RNGTT: variants seen among roughly 807,000 people sequenced by gnomAD.
RNGTT encodes mRNA-capping enzyme.
RNGTT carries 33 observed loss-of-function variants against 79.3 expected under a neutral mutation model. The observed-to-expected ratio is 0.42, with a 90% CI of 0.32 to 0.56. RNGTT has a LOEUF of 0.56. Among genes scored for constraint, RNGTT ranks in the 20% least tolerant of loss-of-function variants. The pLI, the probability that RNGTT is intolerant of heterozygous loss-of-function variation, is 0.17. For synonymous variants in RNGTT, 222 were observed against 235.9 expected (o/e 0.94, Z 0.54); for missense variants, 497 against 739.1 (o/e 0.67, Z 3.80).
intron 12 of RNGTT, among the ~76,000 whole-genome samples, chr6:88,770,086 A>G (rs1012810613): frequency 1.3e-5 from 2 of 152,204 alleles, no homozygotes; most frequent in Non-Finnish European, 2.9e-5. Context: ...CTTGTTTGTG[A>G]AAGTCCAGAA....
chr6:88,678,931 G>C lies in RNGTT; in HGVS notation c.1440-512C>G, dbSNP rs183391030. On this transcript the variant is annotated intron_variant, in intron 13 of 15. Transcript: ENST00000369485. Reference sequence around the variant, plus strand: ...GCATGAGTCCACTTATACAGGGATCGTTTTTCAATAAAAGTTACACTGAGT... The same window carrying C: ...GCATGAGTCCACTTATACAGGGATCCTTTTTCAATAAAAGTTACACTGAGT... 1.4e-4 allele frequency among the ~76,000 whole-genome samples: 22 copies of C among 152,218 alleles called. No individual in the cohort carries two copies. The South Asian group carries it at 4.6e-3, about 32-fold the overall frequency.
intron 8 of RNGTT, among the ~76,000 whole-genome samples, chr6:88,862,925 T>C (rs1048480091): frequency 6.6e-6 from 1 of 152,218 alleles, no homozygotes; most frequent in African/African-American, 2.4e-5. Context: ...ATTTTTGTTT[T>C]GACTTATTGA....
chr6:88,701,286 C>A (rs1170918531), intron 13 of RNGTT, among the ~76,000 whole-genome samples: 4 of 152,088 alleles, frequency 2.6e-5, no homozygotes, highest in African/African-American at 9.7e-5. Flanking sequence ...CCTGGATGAA[C>A]TATCCTCCAG....
intron 11 of RNGTT, among the ~76,000 whole-genome samples, chr6:88,805,512 G>A (rs1346921553): frequency 1.3e-5 from 2 of 152,156 alleles, no homozygotes; most frequent in Non-Finnish European, 2.9e-5. Context: ...AAATCCATAT[G>A]CAGCTATACA....
intron 14 of RNGTT, among the ~76,000 whole-genome samples, chr6:88,649,015 A>G (rs147661201): frequency 3.4e-4 from 52 of 152,336 alleles, no homozygotes; most frequent in Middle Eastern, 6.8e-3. Flanking sequence ...CCTTAAGCAA[A>G]GCAATGTACA....
At chr6:88,891,145 C>A (rs1304182107) in intron 7 of RNGTT, among the ~76,000 whole-genome samples, 1 of 151,920 alleles carries the variant, frequency 6.6e-6, no homozygotes, top group East Asian at 1.9e-4. Flanking sequence ...CTTATTTCTT[C>A]ATTGTTTTCA....
intron 4 of RNGTT, among the ~76,000 whole-genome samples, chr6:88,919,725 T>TC (rs1019381835): frequency 2.0e-5 from 3 of 147,842 alleles, no homozygotes; most frequent in Non-Finnish European, 1.5e-5. Flanking sequence ...TTTTTTTTTT[T>TC]TTTTTTTTGA....
chr6:88,860,075 A>G (rs897260223), intron 8 of RNGTT, among the ~76,000 whole-genome samples: 5 of 152,256 alleles, frequency 3.3e-5, no homozygotes, highest in Admixed American at 1.3e-4. Flanking sequence ...TCTGTAGACA[A>G]GAGAAATTAT....
chr6:88,927,434 G>T (rs141650832), intron 4 of RNGTT, among the ~76,000 whole-genome samples: 1 of 151,946 alleles, frequency 6.6e-6, no homozygotes, highest in East Asian at 1.9e-4. Context: ...AGGCTGAGGC[G>T]GGCAGATCAC....
At chr6:88,952,503 A>G (rs772793019) in intron 1 of RNGTT, among the ~76,000 whole-genome samples, 1 of 152,254 alleles carries the variant, frequency 6.6e-6, no homozygotes, top group Admixed American at 6.5e-5. Flanking sequence ...CTGAAAGCCA[A>G]CTAACTCAGG....
chr6:88,712,204 T>A (rs9444639), intron 13 of RNGTT, among the ~76,000 whole-genome samples: 22,561 of 152,152 alleles, frequency 0.15, 5,557 homozygotes, highest in African/African-American at 0.51. Flanking sequence ...AGTAAACAGC[T>A]CATATAAGGC....
In RNGTT at chr6:88,839,946, G is replaced by C. The variant is rs559040960; in HGVS notation, c.1269+4411C>G. Reference sequence around the variant, plus strand: ...CAGATCAAATTAAACAAAACAAAGAGTTATAGAGCAATATTAATAAATTCC... The same window carrying C: ...CAGATCAAATTAAACAAAACAAAGACTTATAGAGCAATATTAATAAATTCC... On this transcript the variant is annotated intron_variant, in intron 11 of 15. Coordinates refer to ENST00000369485, the MANE Select transcript of RNGTT (RefSeq NM_003800.5). Among the ~76,000 whole-genome samples, 4 of 152,296 alleles carry C rather than the reference G, an allele frequency of 2.6e-5. No homozygotes were observed. The South Asian group carries it at 8.3e-4, about 32-fold the overall frequency.
chr6:88,954,663 T>G (rs1785367835), intron 1 of RNGTT, among the ~76,000 whole-genome samples: 1 of 151,680 alleles, frequency 6.6e-6, no homozygotes, highest in South Asian at 2.1e-4. Context: ...TCAATAAATT[T>G]AAGATAATTG....
At chr6:88,871,603 A>G (rs1782359281) in intron 8 of RNGTT, among the ~76,000 whole-genome samples, 1 of 152,172 alleles carries the variant, frequency 6.6e-6, no homozygotes, top group African/African-American at 2.4e-5. Flanking sequence ...ATCATTTGCT[A>G]TAAGTAAAGC....
chr6:88,748,823 G>GAA (rs1777749563), intron 13 of RNGTT, among the ~76,000 whole-genome samples: 1 of 151,856 alleles, frequency 6.6e-6, no homozygotes. Flanking sequence ...GCTCAGAAAT[G>GAA]ATGAAAAACA....
chr6:88,886,199 G>A (rs1021437042), intron 8 of RNGTT, among the ~76,000 whole-genome samples: 13 of 152,104 alleles, frequency 8.5e-5, no homozygotes, highest in African/African-American at 2.7e-4. Context: ...CCAGCTGCTC[G>A]GGAGGCTGAG....
intron 9 of RNGTT, among the ~76,000 whole-genome samples, chr6:88,852,274 C>T (rs1216510058): frequency 6.6e-6 from 1 of 152,084 alleles, no homozygotes; most frequent in Non-Finnish European, 1.5e-5. Flanking sequence ...GGTATAGCAA[C>T]TCATAATAGG....
At chr6:88,834,449 A>G (rs1418500181) in intron 11 of RNGTT, among the ~76,000 whole-genome samples, 1 of 152,224 alleles carries the variant, frequency 6.6e-6, no homozygotes, top group African/African-American at 2.4e-5. Flanking sequence ...TGAACACCAC[A>G]AACATGATAA....
chr6:88,661,409 G>A (rs1774179469), intron 14 of RNGTT, among the ~76,000 whole-genome samples: 1 of 152,000 alleles, frequency 6.6e-6, no homozygotes, highest in South Asian at 2.1e-4. Context: ...AAAAAAAATT[G>A]ACAGACCGTT....
Sources: gnomAD v4.1 joint callset for allele counts (sites outside exome capture counted in the v4.1 genomes callset) on GRCh38, gnomAD v4.1.1 for gene constraint, MANE v1.5 for transcripts, NCBI Gene and HGNC (gene_info 2026-07-23, HGNC 2026-07-21) for gene names.